Variants in SYN3 observed in about 807,000 individuals in gnomAD.
SYN3 encodes the protein synapsin III, also known as synapsin-3.
Under a neutral mutation model 65.8 loss-of-function variants are expected in SYN3, and 35 were observed. The ratio of observed to expected loss-of-function variants is 0.53; its 90% CI spans 0.41 to 0.70. The LOEUF is 0.70. Among genes scored for constraint, SYN3 ranks in the 30% least tolerant of loss-of-function variants. SYN3 has a pLI of 0.00. For missense variants in SYN3, 680 were observed against 749.0 expected, an observed-to-expected ratio of 0.91 and a Z score of 1.08; for synonymous variants, 270 against 292.9, an observed-to-expected ratio of 0.92 and a Z score of 0.80.
rs2059202804 is a variant in SYN3, at chr22:32,596,557, C to T, written c.774+117G>A. On this transcript the variant is annotated intron_variant, in intron 7 of 13. Coordinates refer to ENST00000358763, the MANE Select transcript of SYN3 (RefSeq NM_003490.4). The stretch of plus-strand genomic sequence containing the variant: ...GAGATGTACTATGGATTCTTTCTAA[C>T]ACTCTGTTCTGGGTGCCTGTGCTAA... 3 of 1,002,522 alleles carry T rather than the reference C, an allele frequency of 3.0e-6. No individual in the cohort carries two copies. The Admixed American group carries it at 7.1e-5, about 24-fold the overall frequency. The allele number at this position is 1,002,522 out of a possible 1,614,324, so 62.1% of individuals were successfully genotyped here.
intron 6 of SYN3, among the ~76,000 whole-genome samples, chr22:32,711,986 G>A (rs2060972730): frequency 6.6e-6 from 1 of 152,120 alleles, no homozygotes; most frequent in Non-Finnish European, 1.5e-5. Flanking sequence ...CACTGACTCT[G>A]GCCTGGTGAC....
At chr22:32,983,593 T>C (rs764831773) in intron 2 of SYN3, among the ~76,000 whole-genome samples, 1 of 151,424 alleles carries the variant, frequency 6.6e-6, no homozygotes, top group Admixed American at 6.6e-5. Context: ...GAACTATTAG[T>C]ATGACTCGAA....
At chr22:32,613,015 C>A (rs1250497662) in intron 6 of SYN3, among the ~76,000 whole-genome samples, 1 of 151,996 alleles carries the variant, frequency 6.6e-6, no homozygotes, top group African/African-American at 2.4e-5. Context: ...CTCACGAGAA[C>A]TGATGGTTTA....
chr22:32,791,948 T>A (rs773172637), intron 6 of SYN3, among the ~76,000 whole-genome samples: 1 of 152,272 alleles, frequency 6.6e-6, no homozygotes, highest in Admixed American at 6.5e-5. Flanking sequence ...AAAGGGGATA[T>A]AAGCACATGC....
chr22:32,839,127 G>T (rs2047820757), intron 6 of SYN3, among the ~76,000 whole-genome samples: 1 of 151,978 alleles, frequency 6.6e-6, no homozygotes, highest in Non-Finnish European at 1.5e-5. Flanking sequence ...CATAGGACAG[G>T]TTCATATAGT....
intron 6 of SYN3, chr22:32,861,071 C>T (rs2048522575): frequency 6.6e-6 from 1 of 151,888 alleles, no homozygotes; most frequent in Admixed American, 6.6e-5. Flanking sequence ...AACATGATTG[C>T]TCTCTGTCTC....
chr22:32,964,646 C>T lies in SYN3; in HGVS notation c.369+15999G>A, dbSNP rs187433328. On this transcript the variant is annotated intron_variant, in intron 3 of 13. Transcript: ENST00000358763. ...CAACTTTGCCAAGCCTCAATTTCCTCATCTGAATAATAATGAGCCTTACAC... is the reference window on the plus strand; with the variant it reads ...CAACTTTGCCAAGCCTCAATTTCCTTATCTGAATAATAATGAGCCTTACAC... Among the ~76,000 whole-genome samples the T allele has an allele frequency of 1.2e-3, 186 of 152,266 alleles. 1 individual carries two copies. The highest frequency in any genetic ancestry group is 3.4e-3 in the Middle Eastern group (1 of 294).
intron 6 of SYN3, among the ~76,000 whole-genome samples, chr22:32,705,005 TC>T (rs1281706217): frequency 6.6e-6 from 1 of 152,222 alleles, no homozygotes; most frequent in African/African-American, 2.4e-5. Context: ...CTGGAGGTTT[TC>T]TGTTTACTAG....
intron 3 of SYN3, among the ~76,000 whole-genome samples, chr22:32,964,749 T>C (rs2051773828): frequency 6.6e-6 from 1 of 152,160 alleles, no homozygotes; most frequent in African/African-American, 2.4e-5. Flanking sequence ...ACTGAACTAA[T>C]AGTTTATTTT....
intron 4 of SYN3, among the ~76,000 whole-genome samples, chr22:32,871,886 C>G (rs2048858572): frequency 6.6e-6 from 1 of 152,066 alleles, no homozygotes; most frequent in African/African-American, 2.4e-5. Context: ...CCTCAGGTTC[C>G]CAAAGTGTTG....
Position 32,604,623 on chromosome 22 carries a change from G to T in SYN3, c.712-7887C>A, listed in dbSNP as rs575995350. Among the ~76,000 whole-genome samples the T allele has an allele frequency of 7.9e-4, 109 of 138,626 alleles. 1 individual carries two copies. The highest frequency in any genetic ancestry group is 5.2e-3 in the East Asian group (26 of 5,022). The allele number at this position is 138,626 out of a possible 152,430, so 90.9% of individuals were successfully genotyped here. On this transcript the variant is annotated intron_variant, in intron 6 of 13. Coordinates refer to ENST00000358763, the MANE Select transcript of SYN3 (RefSeq NM_003490.4). Reference sequence around the variant, plus strand: ...AATTCTGTCCCTGAAAAGCCCTCCCGGGCCACTGGTCTCCCGTAGGCACTT... The same window carrying T: ...AATTCTGTCCCTGAAAAGCCCTCCCTGGCCACTGGTCTCCCGTAGGCACTT...
At chr22:32,728,023 A>C in intron 6 of SYN3, among the ~76,000 whole-genome samples, 1 of 152,186 alleles carries the variant, frequency 6.6e-6, no homozygotes, top group Non-Finnish European at 1.5e-5. Context: ...GTGCTGGGAG[A>C]ACTGGCTAGC....
chr22:32,903,910 C>A lies in SYN3; in HGVS notation c.461+27480G>T, dbSNP rs528761622. 2.1e-4 allele frequency among the ~76,000 whole-genome samples: 32 copies of A among 152,282 alleles called. No homozygotes were observed. The South Asian group carries it at 6.4e-3, about 31-fold the overall frequency. On this transcript the variant is annotated intron_variant, in intron 4 of 13. Transcript: ENST00000358763. ...CAACTGCACAATGGTTTGTTTTGCA[C>A]CTACTATGTATTGGGCCCCGGGCCA... is the stretch of plus-strand genomic sequence containing the variant.
chr22:32,931,541 T>A lies in SYN3; in HGVS notation c.370-60A>T, dbSNP rs933547693. 38 of 1,166,388 alleles carry A rather than the reference T, an allele frequency of 3.3e-5. No homozygotes were observed. In the Middle Eastern group the frequency reaches 1.1e-3, roughly 35 times the overall value. 72.3% of individuals were successfully genotyped at this position (1,166,388 alleles called of 1,614,324 possible). On this transcript the variant is annotated intron_variant, in intron 3 of 13. Coordinates refer to ENST00000358763, the MANE Select transcript of SYN3 (RefSeq NM_003490.4). ...AAATACCAACGGTGGTAACAACGGT[T>A]AACACATATTGGGTACTTAGAGGTA...
chr22:32,973,565 T>A (rs1168756362), intron 3 of SYN3, among the ~76,000 whole-genome samples: 1 of 152,186 alleles, frequency 6.6e-6, no homozygotes, highest in East Asian at 1.9e-4. Context: ...CATGGCCCAT[T>A]CCTTATTAGT....
chr22:32,755,653 C>T (rs5994618), intron 6 of SYN3, among the ~76,000 whole-genome samples: 107,728 of 152,002 alleles, frequency 0.71, 38,492 homozygotes, highest in African/African-American at 0.8. Context: ...AGAGCTTCCA[C>T]TCTTCTGTCC....
chr22:32,649,263 G>A (rs1336637643), intron 6 of SYN3, among the ~76,000 whole-genome samples: 1 of 152,166 alleles, frequency 6.6e-6, no homozygotes, highest in Non-Finnish European at 1.5e-5. Flanking sequence ...CTAGCTTGCT[G>A]GTCCACTCAG....
intron 6 of SYN3, among the ~76,000 whole-genome samples, chr22:32,764,314 CCGTTTT>C (rs918684956): frequency 1.3e-5 from 2 of 152,118 alleles, no homozygotes; most frequent in African/African-American, 4.8e-5. Context: ...CAAAATGTCC[CCGTTTT>C]CTGTAACTGC....
chr22:32,965,947 G>C (rs1317483974), intron 3 of SYN3, among the ~76,000 whole-genome samples: 2 of 152,166 alleles, frequency 1.3e-5, no homozygotes, highest in Non-Finnish European at 2.9e-5. Flanking sequence ...GCCCGCCTTG[G>C]CCTCCCAAAG....
Sources: allele counts gnomAD v4.1 joint callset (sites outside exome capture counted in the v4.1 genomes callset), GRCh38; gene constraint gnomAD v4.1.1; transcripts MANE v1.5; gene names NCBI Gene and HGNC (gene_info 2026-07-23, HGNC 2026-07-21).